SMU1: variants seen among roughly 807,000 people sequenced by gnomAD.
The protein encoded by SMU1 is SMU1 DNA replication regulator and spliceosomal factor, also known as WD40 repeat-containing protein SMU1.
Under a neutral mutation model 62.0 loss-of-function variants are expected in SMU1, and 2 were observed. The observed-to-expected ratio is 0.03, with a 90% confidence interval of 0.01 to 0.10. The LOEUF (loss-of-function observed/expected upper bound fraction) is 0.10. SMU1 is among the 10% of genes least tolerant of loss of function. The pLI is 1.00. For synonymous variants in SMU1, 188 were observed against 212.4 expected, an observed-to-expected ratio of 0.89 and a Z score of 1.00; for missense variants, 227 against 622.1, an observed-to-expected ratio of 0.36 and a Z score of 6.76.
At chr9:33,069,796 C>T (rs1445549831) in intron 3 of SMU1, among the ~76,000 whole-genome samples, 1 of 152,068 alleles carries the variant, frequency 6.6e-6, no homozygotes, top group Non-Finnish European at 1.5e-5. Context: ...CAGCAAGACT[C>T]TGTCTCAGAA....
At chr9:33,057,064 T>A (rs546776253) in intron 7 of SMU1, 100 bp from the exon 8 acceptor site, 23 of 1,289,266 alleles carry the variant, frequency 1.8e-5, no homozygotes, top group Non-Finnish European at 2.4e-5. Context: ...ACTAATGTAC[T>A]GAAACAGCAT....
rs544145241 is a variant in SMU1, at chr9:33,056,971, T to G, written c.868-7A>C. 6.9e-5 allele frequency: 109 copies of G among 1,583,026 alleles called. No individual in the cohort carries two copies. Among genetic ancestry groups the G allele is most frequent in the Admixed American group, 9.4e-5 (5 of 53,024 alleles). On this transcript the variant is annotated splice_polypyrimidine_tract_variant and splice_region_variant and intron_variant, in intron 7 of 11. Transcript: ENST00000397149. ...CACTCTGAATCTTCCACACCTTTAT[T>G]TGAAAAAAAAAAAAGAATTAAAAAA...
chr9:33,066,505 T>TAAAAAAAA (rs35501819), intron 4 of SMU1, among the ~76,000 whole-genome samples: 6 of 100,118 alleles, frequency 6.0e-5, no homozygotes, highest in East Asian at 6.2e-4. Flanking sequence ...TCCATTTAAT[T>TAAAAAAAA]AAAAAAAAAA....
At position 33,053,155 on chromosome 9, in the gene SMU1, TTGA is replaced by T; in HGVS notation, c.1255_1257del (p.Ser419del). 1.2e-6 allele frequency: 2 copies of T among 1,612,274 alleles called. No individual in the cohort carries two copies. The highest frequency in any genetic ancestry group is 1.7e-6 in the Non-Finnish European group (2 of 1,180,034). ...TGCATGTTCATGATGACCACCGTGT[TTGA>T]TCTGTTGCACACCACAAAGTGCTCA... On this transcript the variant is annotated inframe_deletion, in exon 10 of 12. Transcript: ENST00000397149.
intron 2 of SMU1, among the ~76,000 whole-genome samples, chr9:33,072,314 G>A (rs1354693389): frequency 2.0e-5 from 3 of 152,002 alleles, no homozygotes; most frequent in African/African-American, 4.8e-5. Flanking sequence ...TCTGGCCTGG[G>A]CGACAGAGCG....
At chr9:33,068,505 T>A (rs1215294123) in intron 4 of SMU1, among the ~76,000 whole-genome samples, 2 of 152,088 alleles carry the variant, frequency 1.3e-5, no homozygotes. Flanking sequence ...GAGTTCACTT[T>A]TTAAATTTAT....
intron 5 of SMU1, 114 bp downstream of exon 5, chr9:33,061,935 T>C: frequency 8.9e-7 from 1 of 1,122,912 alleles, no homozygotes; most frequent in Non-Finnish European, 1.3e-6. Flanking sequence ...TTGTCAGAGC[T>C]GGAGAATGAG....
intron 2 of SMU1, among the ~76,000 whole-genome samples, chr9:33,073,374 G>A (rs1269612531): frequency 6.6e-6 from 1 of 152,092 alleles, no homozygotes; most frequent in Non-Finnish European, 1.5e-5. Flanking sequence ...TCCAGAGTGG[G>A]TAACAGAACA....
At chr9:33,074,666 A>C (rs1006415201) in intron 1 of SMU1, among the ~76,000 whole-genome samples, 16 of 152,168 alleles carry the variant, frequency 1.1e-4, no homozygotes, top group African/African-American at 3.6e-4. Flanking sequence ...CCCAATTTAC[A>C]GATGAGGATT....
chr9:33,051,931 C>T (rs1014964856), intron 10 of SMU1, among the ~76,000 whole-genome samples: 51 of 151,086 alleles, frequency 3.4e-4, no homozygotes, highest in Non-Finnish European at 5.3e-4. Context: ...GCAGGAGAAT[C>T]GCTTGAACCC....
intron 7 of SMU1, 112 bp downstream of exon 7, chr9:33,057,486 G>A: frequency 3.8e-6 from 5 of 1,300,614 alleles, no homozygotes; most frequent in Non-Finnish European, 5.4e-6. Flanking sequence ...GCATAAAGCT[G>A]ATGCTCAATA....
chr9:33,073,523 C>T, intron 2 of SMU1, 73 bp downstream of exon 2: 2 of 1,070,356 alleles, frequency 1.9e-6, no homozygotes, highest in East Asian at 2.5e-5. Flanking sequence ...GGAATGCTCA[C>T]TGACGCTTTT....
intron 4 of SMU1, among the ~76,000 whole-genome samples, chr9:33,067,181 G>T (rs987528128): frequency 2.7e-5 from 4 of 150,672 alleles, no homozygotes; most frequent in African/African-American, 9.8e-5. Flanking sequence ...AATATAGATT[G>T]AACCAAAAGT....
intron 4 of SMU1, among the ~76,000 whole-genome samples, chr9:33,066,982 G>GA (rs1839428236): frequency 6.6e-6 from 1 of 151,602 alleles, no homozygotes; most frequent in Admixed American, 6.6e-5. Context: ...TCAGCAAGCG[G>GA]AAAAAAAAGG....
chr9:33,074,961 C>T (rs1839529308), intron 1 of SMU1, among the ~76,000 whole-genome samples: 1 of 152,034 alleles, frequency 6.6e-6, no homozygotes, highest in African/African-American at 2.4e-5. Flanking sequence ...TTTGTAGAGA[C>T]GTGGTTTTGC....
chr9:33,054,891 A>C (rs1314554540), intron 9 of SMU1, among the ~76,000 whole-genome samples: 1 of 152,218 alleles, frequency 6.6e-6, no homozygotes, highest in Non-Finnish European at 1.5e-5. Context: ...TTTCCATTCA[A>C]AAGGTCAGTG....
chr9:33,064,616 C>G (rs2119441557), intron 4 of SMU1, among the ~76,000 whole-genome samples: 1 of 152,260 alleles, frequency 6.6e-6, no homozygotes, highest in Admixed American at 6.5e-5. Context: ...CTGGTTGCAA[C>G]AGATGTTCTT....
At chr9:33,071,611 GCAT>G (rs1273475003) in intron 3 of SMU1, 126 bp downstream of exon 3, 7 of 913,264 alleles carry the variant, frequency 7.7e-6, no homozygotes. Flanking sequence ...AAACAGAGAA[GCAT>G]CATTCTCAAA....
intron 4 of SMU1, among the ~76,000 whole-genome samples, chr9:33,067,297 C>CAAA (rs58105257): frequency 0.016 from 858 of 52,746 alleles, 86 homozygotes; most frequent in African/African-American, 0.08. Context: ...TGCTAATGAC[C>CAAA]AAAAAAAAAA....
Sources: allele counts gnomAD v4.1 joint callset (sites outside exome capture counted in the v4.1 genomes callset), GRCh38; gene constraint gnomAD v4.1.1; transcripts MANE v1.5; gene names NCBI Gene and HGNC (gene_info 2026-07-23, HGNC 2026-07-21).